The following PHF20L1 variants were observed in gnomAD, a reference collection of about 807,000 sequenced individuals.
PHF20L1 encodes the protein PHD finger protein 20-like protein 1.
A neutral mutation model predicts 125.5 loss-of-function variants in PHF20L1; 44 were observed. The ratio of observed to expected loss-of-function variants is 0.35; its 90% CI spans 0.28 to 0.45. PHF20L1 has a LOEUF of 0.45. Among genes scored for constraint, PHF20L1 ranks in the 20% least tolerant of loss-of-function variants. PHF20L1 has a pLI of 1.00. For missense variants in PHF20L1, 1,012 were observed against 1,217.2 expected, an observed-to-expected ratio of 0.83 and a Z score of 2.51; for synonymous variants, 380 against 403.1, an observed-to-expected ratio of 0.94 and a Z score of 0.69.
Position 132,837,720 on chromosome 8 carries a change from G to C in PHF20L1, c.2100G>C (p.Glu700Asp). The change falls in exon 17 of 21, where the codon GAG (glutamate) becomes GAC (aspartate). Residue 700 changes from glutamate to aspartate, a missense_variant. This residue lies in a region of PHF20L1 where 55 missense variants were observed against 114.8 expected (regional missense o/e 0.48). Coordinates refer to ENST00000395386, the MANE Select transcript of PHF20L1 (RefSeq NM_016018.5). ...EENGFMIQCE[E>D]CLCWQHSVCM... ...TCCTCTGTTTTCTGCAGTGTGAAGA[G>C]TGCTTGTGTTGGCAACACAGCGTGT... is the stretch of plus-strand genomic sequence containing the variant. 1.2e-6 allele frequency: 2 copies of C among 1,612,238 alleles called. No homozygotes were observed. The highest frequency in any genetic ancestry group is 1.7e-6 in the Non-Finnish European group (2 of 1,178,742).
chr8:132,841,877 C>T (rs547699592), intron 18 of PHF20L1: 6 of 152,088 alleles, frequency 3.9e-5, no homozygotes, highest in African/African-American at 1.4e-4. Flanking sequence ...TTGGTTGGCT[C>T]GACTGGTACA....
At chr8:132,840,205 G>T (rs1160868653) in intron 18 of PHF20L1, among the ~76,000 whole-genome samples, 1 of 152,040 alleles carries the variant, frequency 6.6e-6, no homozygotes, top group Non-Finnish European at 1.5e-5. Flanking sequence ...TGATTCACTG[G>T]TTCTTCACAA....
intron 15 of PHF20L1, among the ~76,000 whole-genome samples, chr8:132,836,194 T>G (rs563612620): frequency 9.9e-5 from 15 of 152,186 alleles, no homozygotes; most frequent in African/African-American, 3.4e-4. Flanking sequence ...ACACAGGGTT[T>G]TTATGAGGGT....
chr8:132,784,219 T>TA lies in PHF20L1; in HGVS notation c.83+6309dup, dbSNP rs1462521199. The stretch of plus-strand genomic sequence containing the variant: ...CTTGCTCTAGTGTTCTTCCTTTTTT[T>TA]ATGTTAATTCGTTTTTTATAGAACT... On this transcript the variant is annotated intron_variant, in intron 2 of 20. Coordinates refer to ENST00000395386, the MANE Select transcript of PHF20L1 (RefSeq NM_016018.5). 7.0e-4 allele frequency among the ~76,000 whole-genome samples: 107 copies of TA among 152,318 alleles called. 1 individual carries two copies. The highest frequency in any genetic ancestry group is 2.3e-3 in the African/African-American group (97 of 41,574).
intron 2 of PHF20L1, among the ~76,000 whole-genome samples, chr8:132,784,514 T>A (rs957303091): frequency 3.3e-5 from 5 of 152,028 alleles, no homozygotes; most frequent in Non-Finnish European, 7.4e-5. Context: ...TTTTTTTTTT[T>A]AAATCATACT....
chr8:132,848,450 A>G lies in PHF20L1; in HGVS notation c.*2527A>G, dbSNP rs140328301. 5 of 152,636 alleles carry G rather than the reference A, an allele frequency of 3.3e-5. No homozygotes were observed. The highest frequency in any genetic ancestry group is 1.2e-4 in the African/African-American group (5 of 41,572). The allele number at this position is 152,636 out of a possible 1,614,324, so 9.5% of individuals were successfully genotyped here. On this transcript the variant is annotated 3_prime_UTR_variant, in exon 21 of 21. Transcript: ENST00000395386. ...GATTATTTTCTTTTAGTCTTTTTAA[A>G]TATCACTATATGTATTTAAATAGAA... is the stretch of plus-strand genomic sequence containing the variant.
At chr8:132,841,633 A>C (rs926833464) in intron 18 of PHF20L1, 1 of 152,120 alleles carries the variant, frequency 6.6e-6, no homozygotes, top group Non-Finnish European at 1.5e-5. Context: ...CTGCAGAATT[A>C]ACTGTACAAT....
chr8:132,791,949 C>T (rs1253193977), intron 2 of PHF20L1, among the ~76,000 whole-genome samples: 3 of 152,118 alleles, frequency 2.0e-5, no homozygotes, highest in Non-Finnish European at 1.5e-5. Context: ...AAATGCAATC[C>T]AGATTTAAAT....
intron 14 of PHF20L1, 99 bp downstream of exon 14, chr8:132,825,470 G>A (rs7004454): frequency 2.5e-5 from 24 of 954,808 alleles, no homozygotes; most frequent in East Asian, 2.2e-4. Flanking sequence ...CACGATCCCC[G>A]TGTCCCGTGT....
chr8:132,798,943 T>C, intron 5 of PHF20L1, 83 bp downstream of exon 5: 1 of 1,112,634 alleles, frequency 9.0e-7, no homozygotes, highest in Non-Finnish European at 1.3e-6. Context: ...TATGTATATT[T>C]TTTAAAAATG....
Position 132,777,857 on chromosome 8 carries a change from G to C in PHF20L1, c.29G>C (p.Gly10Ala). Reference protein sequence around the residue: MSKKPPNRPGITFEIGARLE... With the variant: MSKKPPNRPAITFEIGARLE... ...AGTAAAAAGCCCCCAAATCGCCCTG[G>C]AATCACTTTTGAGATTGGTGCTCGT... The change falls in exon 2 of 21, where the codon GGA becomes GCA. Residue 10 changes from glycine to alanine, a missense_variant. By Grantham distance (60) the Gly-to-Ala change is moderately conservative. Transcript: ENST00000395386. 2 of 1,613,306 alleles carry C rather than the reference G, an allele frequency of 1.2e-6. No homozygotes were observed. The highest frequency in any genetic ancestry group is 1.7e-6 in the Non-Finnish European group (2 of 1,179,378).
chr8:132,817,793 G>T, intron 12 of PHF20L1: 1 of 362,490 alleles, frequency 2.8e-6, no homozygotes, highest in South Asian at 5.7e-5. Context: ...CCTTCTCCCT[G>T]CTTCTTTTTT....
rs1838402696 is a variant in PHF20L1 at position 132,846,084 on chromosome 8, CAACTTTATCAAGGAAGCTAGTATT to C, written c.*162_*185del. 1.9e-6 allele frequency: 1 copy of C among 539,238 alleles called. No homozygotes were observed. Among genetic ancestry groups the C allele is most frequent in the Non-Finnish European group, 3.3e-6 (1 of 307,430 alleles). 33.4% of individuals were successfully genotyped at this position (539,238 alleles called of 1,614,324 possible). ...GCACCTTGGAAAGAAAAATGAAGAA[CAACTTTATCAAGGAAGCTAGTATT>C]TAAAAACAAATTCATGAGCAAGCTG... On this transcript the variant is annotated 3_prime_UTR_variant, in exon 21 of 21. Coordinates refer to ENST00000395386, the MANE Select transcript of PHF20L1 (RefSeq NM_016018.5).
chr8:132,785,231 T>C (rs781717147), intron 2 of PHF20L1, among the ~76,000 whole-genome samples: 1 of 152,200 alleles, frequency 6.6e-6, no homozygotes, highest in African/African-American at 2.4e-5. Context: ...TTATGTATTA[T>C]GAGATTTCAC....
chr8:132,817,599 G>T, intron 12 of PHF20L1, 54 bp downstream of exon 12: 1 of 1,232,108 alleles, frequency 8.1e-7, no homozygotes, highest in Non-Finnish European at 1.1e-6. Context: ...TAGGCTTGCA[G>T]TTATTAGGTA....
intron 12 of PHF20L1, 70 bp from the exon 13 acceptor site, chr8:132,823,934 A>C: frequency 1.2e-6 from 1 of 852,128 alleles, no homozygotes; most frequent in Non-Finnish European, 1.9e-6. Context: ...GAGCAATTGT[A>C]ATGTAAAATA....
In PHF20L1 at chr8:132,775,679, C is replaced by T. The variant is rs571745664; in HGVS notation, c.-38+34C>T. On this transcript the variant is annotated intron_variant, in intron 1 of 20. Transcript: ENST00000395386. ...CGGCGGCGGCTGAGCCGGCAGGCCGCCTGGCCCCCGCCGGGCCGCCCGGGA... is the reference window on the plus strand; with the variant it reads ...CGGCGGCGGCTGAGCCGGCAGGCCGTCTGGCCCCCGCCGGGCCGCCCGGGA... 255 of 331,408 alleles carry T rather than the reference C, an allele frequency of 7.7e-4. 4 individuals carry two copies. In the Admixed American group the frequency reaches 0.011, roughly 14 times the overall value. The allele number at this position is 331,408 out of a possible 1,614,324, so 20.5% of individuals were successfully genotyped here.
intron 9 of PHF20L1, chr8:132,813,239 G>A: frequency 9.2e-6 from 3 of 327,548 alleles, no homozygotes; most frequent in Non-Finnish European, 1.3e-5. Flanking sequence ...AATAAGGTTA[G>A]GAATACTATC....
chr8:132,843,850 A>AATT (rs1838185884), intron 19 of PHF20L1: 2 of 982,876 alleles, frequency 2.0e-6, no homozygotes, highest in African/African-American at 1.7e-5. Context: ...GGCCAGTCTA[A>AATT]ATTAATCAGG....
Sources: allele counts gnomAD v4.1 joint callset (sites outside exome capture counted in the v4.1 genomes callset), GRCh38; gene constraint gnomAD v4.1.1; regional missense constraint gnomAD v4.1.1; transcripts MANE v1.5; gene names NCBI Gene and HGNC (gene_info 2026-07-23, HGNC 2026-07-21).